HACE1: variants seen among roughly 807,000 people sequenced by gnomAD.
The protein encoded by HACE1 is E3 ubiquitin-protein ligase HACE1.
Under a neutral mutation model 118.4 loss-of-function variants are expected in HACE1, and 73 were observed. The ratio of observed to expected loss-of-function variants is 0.62; its 90% confidence interval spans 0.51 to 0.75. HACE1 has a LOEUF of 0.75. Ranked by LOEUF, HACE1 falls within the 30% of genes least tolerant of loss-of-function variation. The pLI is 0.00. For missense variants in HACE1, 749 were observed against 1,102.2 expected, an observed-to-expected ratio of 0.68 and a Z score of 4.54; for synonymous variants, 368 against 374.8, an observed-to-expected ratio of 0.98 and a Z score of 0.21.
chr6:104,852,236 T>C (rs962982307), intron 2 of HACE1, 81 bp downstream of exon 2: 91 of 673,286 alleles, frequency 1.4e-4, no homozygotes, highest in East Asian at 6.7e-4. Flanking sequence ...TGTGCGCGCG[T>C]GCGCGTGCAC....
chr6:104,762,688 T>TA (rs1779512407), intron 19 of HACE1, among the ~76,000 whole-genome samples: 1 of 151,858 alleles, frequency 6.6e-6, no homozygotes, highest in Non-Finnish European at 1.5e-5. Context: ...ACCCAGAACT[T>TA]AAAGTATAAT....
At chr6:104,803,831 T>C (rs529798537) in intron 7 of HACE1, among the ~76,000 whole-genome samples, 63 of 152,204 alleles carry the variant, frequency 4.1e-4, no homozygotes, top group African/African-American at 1.5e-3. Flanking sequence ...CTCTCACCAC[T>C]CCTATTCAAT....
chr6:104,820,213 A>T (rs1307605122), intron 6 of HACE1, among the ~76,000 whole-genome samples: 1 of 151,630 alleles, frequency 6.6e-6, no homozygotes, highest in African/African-American at 2.4e-5. Flanking sequence ...AAAAAAAAAA[A>T]AGTAAAACCC....
chr6:104,857,365 T>A (rs1386796946), intron 1 of HACE1, among the ~76,000 whole-genome samples: 2 of 151,800 alleles, frequency 1.3e-5, no homozygotes, highest in Non-Finnish European at 2.9e-5. Flanking sequence ...CATTTTTGCC[T>A]ATGTGGAAAA....
chr6:104,830,335 A>C (rs1223951206), intron 6 of HACE1, among the ~76,000 whole-genome samples: 1 of 152,190 alleles, frequency 6.6e-6, no homozygotes, highest in Non-Finnish European at 1.5e-5. Flanking sequence ...CTCTAAGTAA[A>C]AACTAATGAG....
intron 22 of HACE1, among the ~76,000 whole-genome samples, chr6:104,741,006 A>G (rs1335408554): frequency 7.5e-6 from 1 of 132,778 alleles, no homozygotes; most frequent in East Asian, 2.1e-4. Flanking sequence ...CTGGTTCAAT[A>G]TACGCAAATC....
At chr6:104,763,232 T>C (rs1253459003) in intron 19 of HACE1, among the ~76,000 whole-genome samples, 1 of 151,988 alleles carries the variant, frequency 6.6e-6, no homozygotes, top group East Asian at 1.9e-4. Context: ...ATACTCAACA[T>C]GAAAAAACTG....
chr6:104,756,012 T>C (rs1778584792), intron 19 of HACE1, among the ~76,000 whole-genome samples: 1 of 152,166 alleles, frequency 6.6e-6, no homozygotes, highest in Non-Finnish European at 1.5e-5. Flanking sequence ...TTTGAAAATA[T>C]TAATAAAATA....
Position 104,776,718 on chromosome 6 carries a change from GTCA to G in HACE1, c.1864+20_1864+22del, listed in dbSNP as rs1188076639. On this transcript the variant is annotated intron_variant, in intron 17 of 23. Coordinates refer to ENST00000262903, the MANE Select transcript of HACE1 (RefSeq NM_020771.4). Reference sequence around the variant, plus strand: ...AAAAATGTGACAAGTTGCAGAAAAAGTCATCTAGACTGTACAACTTACCATCAG... The same window carrying G: ...AAAAATGTGACAAGTTGCAGAAAAAGTCTAGACTGTACAACTTACCATCAG... 7.2e-7 allele frequency: 1 copy of G among 1,397,956 alleles called. No homozygotes were observed. Among genetic ancestry groups the G allele is most frequent in the Non-Finnish European group, 1.0e-6 (1 of 982,670 alleles). The allele number at this position is 1,397,956 out of a possible 1,614,324, so 86.6% of individuals were successfully genotyped here.
At chr6:104,744,301 T>C in intron 21 of HACE1, 71 bp from the exon 22 acceptor site, 2 of 977,192 alleles carry the variant, frequency 2.0e-6, no homozygotes, top group South Asian at 1.3e-5. Flanking sequence ...CAGAGAAATA[T>C]GCAATATTCA....
intron 11 of HACE1, chr6:104,787,037 A>G (rs1403621996): frequency 6.6e-6 from 1 of 152,206 alleles, no homozygotes; most frequent in Non-Finnish European, 1.5e-5. Context: ...GATTTCTGTA[A>G]TATTCTCTTT....
At chr6:104,744,759 A>G (rs914114530) in intron 20 of HACE1, 149 bp from the exon 21 acceptor site, 2 of 631,366 alleles carry the variant, frequency 3.2e-6, no homozygotes, top group Non-Finnish European at 5.7e-6. Flanking sequence ...AACAACAAGC[A>G]TTACATGAGA....
intron 6 of HACE1, among the ~76,000 whole-genome samples, chr6:104,816,314 C>T (rs1171754934): frequency 6.6e-6 from 1 of 152,208 alleles, no homozygotes; most frequent in African/African-American, 2.4e-5. Flanking sequence ...GGGAAAATGG[C>T]TTCACAGGCC....
chr6:104,771,860 T>C, intron 18 of HACE1, 65 bp downstream of exon 18: 2 of 1,152,764 alleles, frequency 1.7e-6, no homozygotes, highest in South Asian at 1.3e-5. Flanking sequence ...GCTTATCTAG[T>C]TTTCCTCAAA....
chr6:104,765,337 T>C (rs577458114), intron 19 of HACE1, among the ~76,000 whole-genome samples: 1 of 152,358 alleles, frequency 6.6e-6, no homozygotes, highest in South Asian at 2.1e-4. Context: ...CACAGGCTTT[T>C]GCCTATCATG....
chr6:104,782,965 G>A (rs1383774574), intron 14 of HACE1, among the ~76,000 whole-genome samples: 1 of 152,222 alleles, frequency 6.6e-6, no homozygotes, highest in East Asian at 1.9e-4. Context: ...CCTAAAGCAA[G>A]GGTATCAGTG....
intron 22 of HACE1, among the ~76,000 whole-genome samples, chr6:104,739,338 G>A (rs1776350264): frequency 6.6e-6 from 1 of 152,106 alleles, no homozygotes; most frequent in African/African-American, 2.4e-5. Context: ...AATGTAAATG[G>A]ACTAAATGCT....
At chr6:104,783,956 T>C in intron 14 of HACE1, 130 bp downstream of exon 14, 2 of 673,870 alleles carry the variant, frequency 3.0e-6, no homozygotes, top group Non-Finnish European at 2.7e-6. Context: ...ACTCCTCATA[T>C]TAAAGTAACA....
intron 5 of HACE1, among the ~76,000 whole-genome samples, chr6:104,838,287 T>C (rs1582720421): frequency 6.6e-6 from 1 of 152,006 alleles, no homozygotes. Context: ...TGGAGGAATA[T>C]CATTACCTGA....
Sources: gnomAD v4.1 joint callset for allele counts (sites outside exome capture counted in the v4.1 genomes callset) on GRCh38, gnomAD v4.1.1 for gene constraint, MANE v1.5 for transcripts, NCBI Gene and HGNC (gene_info 2026-07-23, HGNC 2026-07-21) for gene names.